COL11A1: variants seen among roughly 807,000 people sequenced by gnomAD.
COL11A1 encodes the protein collagen type XI alpha 1 chain.
A neutral mutation model predicts 265.2 loss-of-function variants in COL11A1; 74 were observed. The ratio of observed to expected loss-of-function variants is 0.28; its 90% CI spans 0.23 to 0.34. COL11A1 has a LOEUF of 0.34. Among genes scored for constraint, COL11A1 ranks in the 10% least tolerant of loss-of-function variants. The pLI, the probability that COL11A1 is intolerant of heterozygous loss-of-function variation, is 1.00. For synonymous variants in COL11A1, 816 were observed against 727.6 expected (o/e 1.12, Z -1.96); for missense variants, 2,165 against 2,263.6 (o/e 0.96, Z 0.88).
chr1:103,006,285 G>A lies in COL11A1; in HGVS notation c.1714C>T (p.Pro572Ser). ...GPRGVQGPPG[P>S]TGKPGKRGRP... ...ACCCTTTTTCCAGGTTTTCCCGTTG[G>A]ACCAGGGGGACCCTGGACGCCTCGA... Residue 572 changes from proline to serine, a missense_variant, in exon 16 of 67, where the codon CCA (proline) becomes TCA (serine). By Grantham distance (74) the Pro-to-Ser change is moderately conservative. Coordinates refer to ENST00000370096, the MANE Select transcript of COL11A1 (RefSeq NM_001854.4). 6.2e-7 allele frequency: 1 copy of A among 1,609,118 alleles called. No individual in the cohort carries two copies. Among genetic ancestry groups the A allele is most frequent in the Non-Finnish European group, 8.5e-7 (1 of 1,177,608 alleles).
intron 4 of COL11A1, among the ~76,000 whole-genome samples, chr1:103,067,757 AAGT>A (rs1212112977): frequency 6.6e-6 from 1 of 151,668 alleles, no homozygotes; most frequent in Non-Finnish European, 1.5e-5. Flanking sequence ...AAAGAATAAA[AAGT>A]AGTTTTCAGT....
intron 15 of COL11A1, among the ~76,000 whole-genome samples, chr1:103,006,685 C>G (rs1307362483): frequency 6.6e-6 from 1 of 151,606 alleles, no homozygotes; most frequent in Non-Finnish European, 1.5e-5. Context: ...CTACAGGCGC[C>G]CGCCACTATG....
intron 54 of COL11A1, among the ~76,000 whole-genome samples, chr1:102,911,441 A>G (rs896828214): frequency 1.3e-5 from 2 of 152,116 alleles, no homozygotes; most frequent in Non-Finnish European, 2.9e-5. Flanking sequence ...AGCCTCATAA[A>G]TATATTTTGA....
chr1:103,051,046 T>C lies in COL11A1; in HGVS notation c.652-19802A>G, dbSNP rs555134137. 2.0e-4 allele frequency among the ~76,000 whole-genome samples: 31 copies of C among 152,158 alleles called. No homozygotes were observed. The East Asian group carries it at 6.0e-3, about 30-fold the overall frequency. ...GCCTCCCAGTTAGGCTACTCGGGGG[T>C]CAGGGACCCACTTGAGGAGGCAGTC... On this transcript the variant is annotated intron_variant, in intron 4 of 66. Transcript: ENST00000370096.
intron 4 of COL11A1, among the ~76,000 whole-genome samples, chr1:103,045,821 A>G (rs1475779048): frequency 1.5e-5 from 2 of 131,754 alleles, no homozygotes; most frequent in South Asian, 4.7e-4. Context: ...TCCTGTGTCC[A>G]TGTGTTCTTA....
rs1570638628 is a variant in COL11A1, at chr1:102,889,627, A to T, written c.4357-65T>A. 6.0e-6 allele frequency: 7 copies of T among 1,165,940 alleles called. No homozygotes were observed. The East Asian group carries it at 1.8e-4, about 29-fold the overall frequency. The allele number at this position is 1,165,940 out of a possible 1,614,324, so 72.2% of individuals were successfully genotyped here. ...ACTATCTTCATAAAATTTTAGTTAT[A>T]AAATATTTGCACATTAAATTTCTAA... On this transcript the variant is annotated intron_variant, in intron 58 of 66. Coordinates refer to ENST00000370096, the MANE Select transcript of COL11A1 (RefSeq NM_001854.4).
chr1:102,878,522 T>A (rs1343373947), intron 66 of COL11A1, among the ~76,000 whole-genome samples: 3 of 101,156 alleles, frequency 3.0e-5, no homozygotes, highest in African/African-American at 4.6e-5. Context: ...TTTTCTTTCT[T>A]TTTTTTTTTT....
intron 24 of COL11A1, chr1:103,000,882 C>T (rs983688232): frequency 8.0e-5 from 26 of 324,122 alleles, no homozygotes; most frequent in South Asian, 1.6e-4. Flanking sequence ...TAAAAGTAAA[C>T]AGAACCTGGT....
intron 41 of COL11A1, among the ~76,000 whole-genome samples, chr1:102,953,946 T>C (rs1443563487): frequency 6.6e-6 from 1 of 152,160 alleles, no homozygotes; most frequent in East Asian, 1.9e-4. Flanking sequence ...TCTTAATATG[T>C]GATTTAAATG....
rs1374336699 is a variant in COL11A1, at chr1:103,002,477, G to T, written c.2048C>A (p.Pro683His). ...ACCTGGAGGCCCAGGCTCCCCTTGG[G>T]GACCCTGCCAGAGGAAAATATAAAA... is the stretch of plus-strand genomic sequence containing the variant. ...GPPGPKGNMGPQGEPGPPGQQ... is the reference protein window; with the variant it reads ...GPPGPKGNMGHQGEPGPPGQQ... The change falls in exon 23 of 67, where the codon CCC (proline) becomes CAC (histidine). Residue 683 changes from proline to histidine, a missense_variant. Physicochemically the swap from Pro to His is moderately conservative, Grantham distance 77. Transcript: ENST00000370096. The T allele has an allele frequency of 1.2e-6, 2 of 1,608,906 alleles. No individual in the cohort carries two copies. Among genetic ancestry groups the T allele is most frequent in the African/African-American group, 2.7e-5 (2 of 74,800 alleles).
At chr1:102,969,326 A>G (rs1404640920) in intron 37 of COL11A1, among the ~76,000 whole-genome samples, 1 of 152,052 alleles carries the variant, frequency 6.6e-6, no homozygotes, top group Non-Finnish European at 1.5e-5. Context: ...TTGCTATGCA[A>G]CTCCAATATG....
In COL11A1 at chr1:102,916,450, T is replaced by C. The variant is rs993922767; in HGVS notation, c.3763-766A>G. Among the ~76,000 whole-genome samples the C allele has an allele frequency of 2.6e-5, 4 of 152,058 alleles. No individual in the cohort carries two copies. In the East Asian group the frequency reaches 5.8e-4, roughly 22 times the overall value. ...AAACAATACATTCATTTACCATGTT[T>C]CCACTCAAAATCAGTCACACTAGTG... On this transcript the variant is annotated intron_variant, in intron 49 of 66. Transcript: ENST00000370096.
intron 21 of COL11A1, 80 bp from the exon 22 acceptor site, chr1:103,002,871 C>A (rs1665250537): frequency 7.7e-7 from 1 of 1,290,806 alleles, no homozygotes; most frequent in South Asian, 1.2e-5. Context: ...AATCTAATAT[C>A]ATGATATTCA....
rs932531605 is a variant in COL11A1 at position 102,934,309 on chromosome 1, A to G, written c.3600+140T>C. On this transcript the variant is annotated intron_variant, in intron 46 of 66. Coordinates refer to ENST00000370096, the MANE Select transcript of COL11A1 (RefSeq NM_001854.4). ...CAAGTTCAGCTGCTCATTTAAAAAT[A>G]AAATGATCTTTATGGATAAACATTG... The G allele has an allele frequency of 7.7e-6, 5 of 651,480 alleles. No homozygotes were observed. The African/African-American group carries it at 9.2e-5, about 12-fold the overall frequency. 40.4% of individuals were successfully genotyped at this position (651,480 alleles called of 1,614,324 possible).
chr1:103,047,026 A>G (rs973411494), intron 4 of COL11A1, among the ~76,000 whole-genome samples: 1 of 152,098 alleles, frequency 6.6e-6, no homozygotes, highest in African/African-American at 2.4e-5. Flanking sequence ...GTATAGTTTG[A>G]AGTCAGGTAG....
chr1:102,943,374 T>C (rs918565368), intron 42 of COL11A1, among the ~76,000 whole-genome samples: 2 of 151,898 alleles, frequency 1.3e-5, no homozygotes, highest in African/African-American at 4.8e-5. Context: ...TCTCGATCTT[T>C]TACATCCCAC....
intron 28 of COL11A1, among the ~76,000 whole-genome samples, chr1:102,991,552 G>A (rs573189596): frequency 7.9e-5 from 12 of 152,056 alleles, no homozygotes; most frequent in East Asian, 1.9e-4. Context: ...ACAATATGCC[G>A]TCCTGCATTT....
chr1:103,041,377 C>CTT (rs34170590), intron 4 of COL11A1, among the ~76,000 whole-genome samples: 5 of 150,202 alleles, frequency 3.3e-5, no homozygotes, highest in African/African-American at 1.2e-4. Context: ...TAGCATCATC[C>CTT]TTTTTTTTTG....
intron 46 of COL11A1, among the ~76,000 whole-genome samples, chr1:102,928,052 A>G (rs952264617): frequency 3.3e-5 from 5 of 152,022 alleles, no homozygotes; most frequent in Non-Finnish European, 7.4e-5. Flanking sequence ...AATCTGAAGT[A>G]CTAACTTATC....
Sources: allele counts gnomAD v4.1 joint callset (sites outside exome capture counted in the v4.1 genomes callset), GRCh38; gene constraint gnomAD v4.1.1; transcripts MANE v1.5; gene names NCBI Gene and HGNC (gene_info 2026-07-23, HGNC 2026-07-21).